ACAA2: variants seen among roughly 807,000 people sequenced by gnomAD.
The protein encoded by ACAA2 is acetyl-CoA acyltransferase 2.
A neutral mutation model predicts 44.8 loss-of-function variants in ACAA2; 35 were observed. That is an observed-to-expected ratio of 0.78 (90% CI 0.60 to 1.04). The LOEUF is 1.04. Ranked by LOEUF, ACAA2 falls within the 50% of genes least tolerant of loss-of-function variation. The pLI is 0.00. For synonymous variants in ACAA2, 142 were observed against 166.5 expected, an observed-to-expected ratio of 0.85 and a Z score of 1.13; for missense variants, 468 against 482.6, an observed-to-expected ratio of 0.97 and a Z score of 0.28.
At chr18:49,798,661 T>C (rs1199336001) in intron 2 of ACAA2, among the ~76,000 whole-genome samples, 1 of 152,170 alleles carries the variant, frequency 6.6e-6, no homozygotes, top group Non-Finnish European at 1.5e-5. Flanking sequence ...CTTGACAAAT[T>C]CGGCACATTT....
intron 8 of ACAA2, 115 bp downstream of exon 8, chr18:49,787,176 G>A: frequency 1.2e-6 from 1 of 804,264 alleles, no homozygotes; most frequent in Non-Finnish European, 1.8e-6. Flanking sequence ...CATTTGGAAA[G>A]GCTAACTACA....
intron 3 of ACAA2, among the ~76,000 whole-genome samples, chr18:49,796,740 C>T (rs761482904): frequency 2.0e-4 from 31 of 151,830 alleles, no homozygotes; most frequent in Admixed American, 1.1e-3. Context: ...TTATTCAGTG[C>T]CTCACAGGTA....
chr18:49,801,733 T>C (rs1441088413), intron 2 of ACAA2, among the ~76,000 whole-genome samples: 3 of 149,330 alleles, frequency 2.0e-5, no homozygotes, highest in Non-Finnish European at 4.4e-5. Flanking sequence ...ATGTATCATA[T>C]ATATATTTGT....
rs565891586 is a variant in ACAA2 at position 49,783,717 on chromosome 18, T to G, written c.*130A>C. 1.0e-4 allele frequency: 71 copies of G among 695,560 alleles called. No homozygotes were observed. Among genetic ancestry groups the G allele is most frequent in the Non-Finnish European group, 1.7e-4 (68 of 396,200 alleles). 43.1% of individuals were successfully genotyped at this position (695,560 alleles called of 1,614,324 possible). A position where few individuals can be genotyped will look rare whatever the true frequency, so the allele number is the denominator to read the frequency against. On this transcript the variant is annotated 3_prime_UTR_variant, in exon 10 of 10. Transcript: ENST00000285093. ...CAATGCATTTTTGTGTCACCATGGC[T>G]TGATCAAACTTAATCACTGTTTCAA... is the stretch of plus-strand genomic sequence containing the variant.
Position 49,813,449 on chromosome 18 carries a change from G to A in ACAA2, c.16+20C>T, listed in dbSNP as rs2023695322. The A allele has an allele frequency of 8.1e-7, 1 of 1,240,928 alleles. No homozygotes were observed. The highest frequency in any genetic ancestry group is 4.2e-5 in the Admixed American group (1 of 23,710). 76.9% of individuals were successfully genotyped at this position (1,240,928 alleles called of 1,614,324 possible). A position where few individuals can be genotyped will look rare whatever the true frequency, so the allele number is the denominator to read the frequency against. ...GCAGGACCCCGAGGGGCGAGGAGAG[G>A]AGGAGGGGGCTGCGCTCACCTCGGA... On this transcript the variant is annotated intron_variant, in intron 1 of 9. Transcript: ENST00000285093.
At chr18:49,810,535 TAAAAAC>T (rs2023657057) in intron 1 of ACAA2, among the ~76,000 whole-genome samples, 1 of 151,406 alleles carries the variant, frequency 6.6e-6, no homozygotes, top group Non-Finnish European at 1.5e-5. Flanking sequence ...CATGGGAAAA[TAAAAAC>T]AAAAAAAAAC....
intron 1 of ACAA2, among the ~76,000 whole-genome samples, chr18:49,809,981 A>C (rs2023651063): frequency 6.6e-6 from 1 of 152,234 alleles, no homozygotes; most frequent in Non-Finnish European, 1.5e-5. Flanking sequence ...AGCACATGGT[A>C]ATACTCCGTA....
intron 7 of ACAA2, 93 bp downstream of exon 7, chr18:49,791,377 C>A (rs1381692768): frequency 1.6e-6 from 2 of 1,246,744 alleles, no homozygotes; most frequent in Non-Finnish European, 2.3e-6. Flanking sequence ...CTACAGGTGA[C>A]CTTGGTTTGG....
intron 2 of ACAA2, among the ~76,000 whole-genome samples, chr18:49,802,481 G>T (rs1050466002): frequency 1.3e-5 from 2 of 149,108 alleles, no homozygotes; most frequent in Non-Finnish European, 3.0e-5. Flanking sequence ...AGAATTGCTT[G>T]AACCCGGGAG....
Position 49,785,366 on chromosome 18 carries a change from T to C in ACAA2, c.955-15A>G, listed in dbSNP as rs1420269221. 1 of 1,611,890 alleles carries C rather than the reference T, an allele frequency of 6.2e-7. No homozygotes were observed. Among genetic ancestry groups the C allele is most frequent in the African/African-American group, 1.3e-5 (1 of 74,758 alleles). On this transcript the variant is annotated splice_polypyrimidine_tract_variant and intron_variant, in intron 8 of 9. Coordinates refer to ENST00000285093, the MANE Select transcript of ACAA2 (RefSeq NM_006111.3). ...GCTTCATTCACCTTAAAACAAAAATTAGAGCACTAACAAAAATCCTTACTC... is the reference window on the plus strand; with the variant it reads ...GCTTCATTCACCTTAAAACAAAAATCAGAGCACTAACAAAAATCCTTACTC...
At chr18:49,803,432 G>A (rs1312504200) in intron 1 of ACAA2, among the ~76,000 whole-genome samples, 2 of 152,056 alleles carry the variant, frequency 1.3e-5, no homozygotes, top group African/African-American at 4.8e-5. Flanking sequence ...CCTTTCAGGT[G>A]GACCCCTTAG....
rs748795760 is a variant in ACAA2 at position 49,792,302 on chromosome 18, A to T, written c.603T>A (p.Asp201Glu). ...TCTTCACTTCAATTGGTGCCATTTC[A>T]TCATTAAAGTAGCCAGCATCATTAG... ...KAANDAGYFN[D>E]EMAPIEVKTK... Residue 201 changes from aspartate to glutamate, a missense_variant, in exon 6 of 10, where the codon GAT becomes GAA. Coordinates refer to ENST00000285093, the MANE Select transcript of ACAA2 (RefSeq NM_006111.3). The T allele has an allele frequency of 6.2e-7, 1 of 1,613,748 alleles. No individual in the cohort carries two copies. Among genetic ancestry groups the T allele is most frequent in the East Asian group, 2.2e-5 (1 of 44,898 alleles).
At chr18:49,807,697 T>C (rs2023624243) in intron 1 of ACAA2, among the ~76,000 whole-genome samples, 1 of 151,892 alleles carries the variant, frequency 6.6e-6, no homozygotes, top group South Asian at 2.1e-4. Context: ...CCAAGCATGG[T>C]GGTGTGTGCT....
intron 1 of ACAA2, among the ~76,000 whole-genome samples, chr18:49,810,271 C>A (rs1029660919): frequency 6.6e-6 from 1 of 152,176 alleles, no homozygotes; most frequent in Non-Finnish European, 1.5e-5. Context: ...CGTTCTCCTG[C>A]AGCTTGGCAC....
rs78638818 is a variant in ACAA2 at position 49,794,031 on chromosome 18, G to A, written c.577+249C>T. Reference sequence around the variant, plus strand: ...AGGACCAGTTCAGCACAAAACTCAAGGGTCCATCTAGGGTCAAGTAGCAAT... The same window carrying A: ...AGGACCAGTTCAGCACAAAACTCAAAGGTCCATCTAGGGTCAAGTAGCAAT... On this transcript the variant is annotated intron_variant, in intron 5 of 9. Coordinates refer to ENST00000285093, the MANE Select transcript of ACAA2 (RefSeq NM_006111.3). Among the ~76,000 whole-genome samples, 907 of 152,186 alleles carry A rather than the reference G, an allele frequency of 6.0e-3. 9 individuals are homozygous for A. Among genetic ancestry groups the A allele is most frequent in the African/African-American group, 0.02 (843 of 41,510 alleles).
At chr18:49,800,659 G>A (rs970129148) in intron 2 of ACAA2, among the ~76,000 whole-genome samples, 19 of 152,092 alleles carry the variant, frequency 1.2e-4, no homozygotes, top group South Asian at 4.1e-4. Context: ...GATTAAGGGC[G>A]GTGCAAGATG....
At chr18:49,798,534 G>C (rs963905393) in intron 2 of ACAA2, among the ~76,000 whole-genome samples, 1 of 150,636 alleles carries the variant, frequency 6.6e-6, no homozygotes, top group Admixed American at 6.6e-5. Flanking sequence ...GAGGCTGTTA[G>C]CAAGAGCAAA....
At chr18:49,787,466 C>T (rs1030536195) in intron 7 of ACAA2, 105 bp from the exon 8 acceptor site, 4 of 816,486 alleles carry the variant, frequency 4.9e-6, no homozygotes, top group Non-Finnish European at 7.0e-6. Context: ...AATAATGCGG[C>T]AGTTATTAGT....
In ACAA2 at chr18:49,789,373, T is replaced by C. The variant is rs369780035; in HGVS notation, c.884-2012A>G. Among the ~76,000 whole-genome samples, 9 of 152,286 alleles carry C rather than the reference T, an allele frequency of 5.9e-5. No individual in the cohort carries two copies. The East Asian group carries it at 7.7e-4, about 13-fold the overall frequency. On this transcript the variant is annotated intron_variant, in intron 7 of 9. Coordinates refer to ENST00000285093, the MANE Select transcript of ACAA2 (RefSeq NM_006111.3). The stretch of plus-strand genomic sequence containing the variant: ...GAGTTACTTTGTTTAATCCCATCAC[T>C]ATATACAAGTGACAGCCAAACTTCT...
Sources: allele counts gnomAD v4.1 joint callset (sites outside exome capture counted in the v4.1 genomes callset), GRCh38; gene constraint gnomAD v4.1.1; transcripts MANE v1.5; gene names NCBI Gene and HGNC (gene_info 2026-07-23, HGNC 2026-07-21).